CSMD1: variants seen among roughly 807,000 people sequenced by gnomAD.
The protein encoded by CSMD1 is CUB and sushi domain-containing protein 1.
A neutral mutation model predicts 417.5 loss-of-function variants in CSMD1; 213 were observed. The ratio of observed to expected loss-of-function variants is 0.51; its 90% CI spans 0.46 to 0.57. The LOEUF (loss-of-function observed/expected upper bound fraction) is 0.57, where lower values mean the gene tolerates loss of function less well. Among genes scored for constraint, CSMD1 ranks in the 20% least tolerant of loss-of-function variants. CSMD1 has a pLI of 0.00. For synonymous variants in CSMD1, 2,862 were observed against 1,736.8 expected, an observed-to-expected ratio of 1.65 and a Z score of -16.11; for missense variants, 6,923 against 4,529.7, an observed-to-expected ratio of 1.53 and a Z score of -15.17.
chr8:4,361,596 T>G (rs1161875519), intron 3 of CSMD1, among the ~76,000 whole-genome samples: 4 of 152,214 alleles, frequency 2.6e-5, no homozygotes, highest in African/African-American at 9.6e-5. Context: ...GCAGTTGCCC[T>G]ATTTTATACT....
At chr8:4,491,723 A>C (rs749888390) in intron 2 of CSMD1, among the ~76,000 whole-genome samples, 33 of 152,222 alleles carry the variant, frequency 2.2e-4, no homozygotes, top group Non-Finnish European at 4.3e-4. Context: ...AACACAACCA[A>C]ATGCTGTTGA....
At chr8:4,747,924 CTATT>C (rs1306991559) in intron 1 of CSMD1, among the ~76,000 whole-genome samples, 12 of 152,234 alleles carry the variant, frequency 7.9e-5, no homozygotes, top group African/African-American at 2.9e-4. Flanking sequence ...GACAAATACA[CTATT>C]TATTGCAGAA....
chr8:3,460,868 A>G (rs1816457133), intron 12 of CSMD1, among the ~76,000 whole-genome samples: 1 of 152,206 alleles, frequency 6.6e-6, no homozygotes, highest in African/African-American at 2.4e-5. Context: ...AGCTTGTTCT[A>G]GAAGCAAAGA....
chr8:3,799,785 C>G (rs953487748), intron 5 of CSMD1, among the ~76,000 whole-genome samples: 2 of 152,024 alleles, frequency 1.3e-5, no homozygotes, highest in South Asian at 2.1e-4. Flanking sequence ...ATTTTCATAT[C>G]TATGAAATTC....
chr8:4,276,326 G>C (rs1233517995), intron 3 of CSMD1, among the ~76,000 whole-genome samples: 1 of 152,162 alleles, frequency 6.6e-6, no homozygotes, highest in Non-Finnish European at 1.5e-5. Flanking sequence ...CCTTTGCAGG[G>C]ACATGGATGA....
At chr8:4,405,601 C>G (rs1585025221) in intron 3 of CSMD1, among the ~76,000 whole-genome samples, 1 of 151,992 alleles carries the variant, frequency 6.6e-6, no homozygotes, top group Non-Finnish European at 1.5e-5. Context: ...TGTTTGTTGA[C>G]AATCAAAAAA....
chr8:3,454,227 C>T (rs1024599093), intron 12 of CSMD1, among the ~76,000 whole-genome samples: 3 of 152,126 alleles, frequency 2.0e-5, no homozygotes, highest in Non-Finnish European at 4.4e-5. Context: ...AGATGGGTCT[C>T]CTGAATATAG....
rs148798967 is a variant in CSMD1 at position 4,626,710 on chromosome 8, C to A, written c.302+10632G>T. ...CCTCTTGCAAAGACGTCTCCCCATC[C>A]TGACCTACCCTTCAGTTCAAGGATG... On this transcript the variant is annotated intron_variant, in intron 2 of 69. Transcript: ENST00000635120. 2.7e-3 allele frequency among the ~76,000 whole-genome samples: 411 copies of A among 152,150 alleles called. 3 individuals are homozygous for A. The highest frequency in any genetic ancestry group is 4.1e-3 in the East Asian group (21 of 5,156).
chr8:4,445,505 T>G (rs1277248965), intron 2 of CSMD1, among the ~76,000 whole-genome samples: 1 of 152,186 alleles, frequency 6.6e-6, no homozygotes, highest in Non-Finnish European at 1.5e-5. Flanking sequence ...TAAAGCCAAT[T>G]TTATACTTCA....
At chr8:3,827,431 T>C (rs1802118640) in intron 5 of CSMD1, among the ~76,000 whole-genome samples, 1 of 152,218 alleles carries the variant, frequency 6.6e-6, no homozygotes, top group Admixed American at 6.5e-5. Flanking sequence ...TAAACACATC[T>C]TATTAAGCAA....
At chr8:4,548,424 T>G (rs1176197229) in intron 2 of CSMD1, among the ~76,000 whole-genome samples, 1 of 152,166 alleles carries the variant, frequency 6.6e-6, no homozygotes, top group African/African-American at 2.4e-5. Flanking sequence ...TGTTATGCTA[T>G]AACATTCCTG....
At chr8:4,280,312 G>T (rs1161438518) in intron 3 of CSMD1, among the ~76,000 whole-genome samples, 1 of 151,040 alleles carries the variant, frequency 6.6e-6, no homozygotes, top group Non-Finnish European at 1.5e-5. Context: ...AGCTTTGAAA[G>T]AGAGTGGATA....
rs1806376743 is a variant in CSMD1 at position 4,686,185 on chromosome 8, C to T, written c.86-48627G>A. ...AGAGAAGCAGTGCAAGGAACGTACCCTTCTTTCACCTTTGGAGTTAGTAAG... is the reference window on the plus strand; with the variant it reads ...AGAGAAGCAGTGCAAGGAACGTACCTTTCTTTCACCTTTGGAGTTAGTAAG... On this transcript the variant is annotated intron_variant, in intron 1 of 69. Coordinates refer to ENST00000635120, the MANE Select transcript of CSMD1 (RefSeq NM_033225.6). Among the ~76,000 whole-genome samples, 3 of 152,322 alleles carry T rather than the reference C, an allele frequency of 2.0e-5. No individual in the cohort carries two copies. The South Asian group carries it at 6.2e-4, about 32-fold the overall frequency.
intron 5 of CSMD1, among the ~76,000 whole-genome samples, chr8:3,934,661 C>T (rs752827663): frequency 6.6e-6 from 1 of 152,012 alleles, no homozygotes; most frequent in Non-Finnish European, 1.5e-5. Flanking sequence ...CGAGACCAGC[C>T]TGGCCAACAT....
intron 52 of CSMD1, among the ~76,000 whole-genome samples, chr8:3,000,569 C>T (rs563523341): frequency 6.6e-6 from 1 of 152,068 alleles, no homozygotes; most frequent in Admixed American, 6.6e-5. Flanking sequence ...ACTAGATAAT[C>T]AAATTACCTG....
chr8:4,720,866 T>G (rs1809006565), intron 1 of CSMD1, among the ~76,000 whole-genome samples: 1 of 152,146 alleles, frequency 6.6e-6, no homozygotes, highest in Non-Finnish European at 1.5e-5. Flanking sequence ...AAAACCAAGA[T>G]CCTAGTGCCG....
chr8:4,058,797 C>G lies in CSMD1; in HGVS notation c.416-26698G>C, dbSNP rs1424159959. Among the ~76,000 whole-genome samples, 3 of 149,894 alleles carry G rather than the reference C, an allele frequency of 2.0e-5. No individual in the cohort carries two copies. In the South Asian group the frequency reaches 6.4e-4, roughly 32 times the overall value. On this transcript the variant is annotated intron_variant, in intron 3 of 69. Transcript: ENST00000635120. ...GAGCACCCAGATTCATAAAGCAAGTCCTGAGTGACCTACAAAGAGACTTAG... is the reference window on the plus strand; with the variant it reads ...GAGCACCCAGATTCATAAAGCAAGTGCTGAGTGACCTACAAAGAGACTTAG...
At chr8:4,433,919 C>G (rs1554475344) in intron 2 of CSMD1, among the ~76,000 whole-genome samples, 1 of 151,886 alleles carries the variant, frequency 6.6e-6, no homozygotes, top group Non-Finnish European at 1.5e-5. Context: ...AAGAACACAG[C>G]AAAAAAGGGG....
intron 2 of CSMD1, among the ~76,000 whole-genome samples, chr8:4,548,031 T>C (rs1006086191): frequency 6.6e-6 from 1 of 152,174 alleles, no homozygotes; most frequent in Non-Finnish European, 1.5e-5. Context: ...AAAAACATTG[T>C]GGGTTACAGC....
Sources: allele counts gnomAD v4.1 joint callset (sites outside exome capture counted in the v4.1 genomes callset), GRCh38; gene constraint gnomAD v4.1.1; transcripts MANE v1.5; gene names NCBI Gene and HGNC (gene_info 2026-07-23, HGNC 2026-07-21).